The following BMS1 variants were observed in gnomAD, a reference collection of about 807,000 sequenced individuals.
The protein encoded by BMS1 is BMS1 ribosome biogenesis factor, also known as ribosome biogenesis protein BMS1 homolog.
In BMS1, 53 loss-of-function variants were observed where a neutral mutation model predicts 138.7. That is an observed-to-expected ratio of 0.38 (90% CI 0.31 to 0.48). The LOEUF (loss-of-function observed/expected upper bound fraction) is 0.48. BMS1 is among the 20% of genes least tolerant of loss of function. The pLI, the probability that BMS1 is intolerant of heterozygous loss-of-function variation, is 0.97. For missense variants in BMS1, 1,360 were observed against 1,565.5 expected, an observed-to-expected ratio of 0.87 and a Z score of 2.22; for synonymous variants, 504 against 539.9, an observed-to-expected ratio of 0.93 and a Z score of 0.92.
chr10:42,819,954 G>A (rs1180158213), intron 15 of BMS1, among the ~76,000 whole-genome samples: 4 of 152,082 alleles, frequency 2.6e-5, no homozygotes, highest in African/African-American at 9.7e-5. Flanking sequence ...ACCACGCCCA[G>A]CTGATTTTGG....
rs191354079 is a variant in BMS1 at position 42,816,795 on chromosome 10, A to G, written c.2403+123A>G. The G allele has an allele frequency of 5.5e-5, 41 of 741,690 alleles. No individual in the cohort carries two copies. In the African/African-American group the frequency reaches 7.1e-4, roughly 13 times the overall value. The allele number at this position is 741,690 out of a possible 1,614,324, so 45.9% of individuals were successfully genotyped here. The stretch of plus-strand genomic sequence containing the variant: ...AGACTGGATAGATAGATTCCTTCCT[A>G]AAGGGTGGGGATGTGGGGACCAAAG... On this transcript the variant is annotated intron_variant, in intron 14 of 22. Coordinates refer to ENST00000374518, the MANE Select transcript of BMS1 (RefSeq NM_014753.4).
At chr10:42,829,062 C>CT (rs1362392977) in intron 21 of BMS1, among the ~76,000 whole-genome samples, 10 of 152,300 alleles carry the variant, frequency 6.6e-5, no homozygotes, top group African/African-American at 2.4e-4. Context: ...ATATAGTTGA[C>CT]TTTAACAAAA....
At chr10:42,828,070 AG>A (rs1246235457) in intron 21 of BMS1, among the ~76,000 whole-genome samples, 3 of 152,234 alleles carry the variant, frequency 2.0e-5, no homozygotes, top group Non-Finnish European at 4.4e-5. Flanking sequence ...GATGAACTGT[AG>A]CACACCAGCT....
intron 9 of BMS1, among the ~76,000 whole-genome samples, chr10:42,795,704 T>A (rs1841663187): frequency 2.0e-5 from 3 of 152,188 alleles, no homozygotes; most frequent in Admixed American, 2.0e-4. Context: ...ATTTTATATA[T>A]CTTGCTACAT....
At chr10:42,795,536 G>T (rs1379520616) in intron 9 of BMS1, among the ~76,000 whole-genome samples, 1 of 151,164 alleles carries the variant, frequency 6.6e-6, no homozygotes, top group African/African-American at 2.4e-5. Context: ...GCCCAGGCTG[G>T]TCTCAAACTC....
At chr10:42,813,664 C>T (rs894731090) in intron 13 of BMS1, among the ~76,000 whole-genome samples, 3 of 152,178 alleles carry the variant, frequency 2.0e-5, no homozygotes, top group Non-Finnish European at 4.4e-5. Context: ...TTTGTCCCTC[C>T]TCCCATAGTC....
chr10:42,789,849 A>G (rs964653607), intron 4 of BMS1, among the ~76,000 whole-genome samples: 1 of 152,220 alleles, frequency 6.6e-6, no homozygotes, highest in African/African-American at 2.4e-5. Context: ...AAAATACCTT[A>G]CAGAAAACTT....
chr10:42,809,547 G>A (rs900755635), intron 13 of BMS1, among the ~76,000 whole-genome samples: 4 of 152,008 alleles, frequency 2.6e-5, no homozygotes, highest in Non-Finnish European at 5.9e-5. Flanking sequence ...AGGCGTGAGC[G>A]ACCATGCCTG....
chr10:42,810,435 GTTT>G (rs1564423115), intron 13 of BMS1, among the ~76,000 whole-genome samples: 1 of 152,056 alleles, frequency 6.6e-6, no homozygotes, highest in African/African-American at 2.4e-5. Context: ...TGGTCTGTGA[GTTT>G]TTTTGTTTTG....
intron 5 of BMS1, among the ~76,000 whole-genome samples, chr10:42,790,926 A>G (rs1457937280): frequency 6.6e-6 from 1 of 151,474 alleles, no homozygotes; most frequent in Non-Finnish European, 1.5e-5. Flanking sequence ...TTGTGTGTGT[A>G]TTCACAGTCC....
Position 42,817,395 on chromosome 10 carries a change from T to C in BMS1, c.2481T>C (p.Asp827=). 6.2e-7 allele frequency: 1 copy of C among 1,610,364 alleles called. No individual in the cohort carries two copies. The highest frequency in any genetic ancestry group is 8.5e-7 in the Non-Finnish European group (1 of 1,179,428). The change falls in exon 15 of 23, where the codon GAT becomes GAC. Residue 827 remains aspartate, a synonymous_variant. Coordinates refer to ENST00000374518, the MANE Select transcript of BMS1 (RefSeq NM_014753.4). ...AAAGTGCCAAGAAAAAGCATTTGGA[T>C]AAGAAGAGAAAATTGAAGGAGATGT... is the stretch of plus-strand genomic sequence containing the variant. ...EEESAKKKHL[D]KKRKLKEMFD... is the part of the protein sequence containing the mutation.
At chr10:42,817,042 G>A (rs1842369483) in intron 14 of BMS1, among the ~76,000 whole-genome samples, 1 of 152,170 alleles carries the variant, frequency 6.6e-6, no homozygotes, top group Non-Finnish European at 1.5e-5. Context: ...GGGTCTGGGA[G>A]CATCTGGGTG....
chr10:42,804,301 G>A (rs1211933178), intron 13 of BMS1, among the ~76,000 whole-genome samples: 1 of 152,140 alleles, frequency 6.6e-6, no homozygotes, highest in Non-Finnish European at 1.5e-5. Flanking sequence ...AATTTTTTAA[G>A]AAATTACCCA....
Position 42,796,819 on chromosome 10 carries a change from T to G in BMS1, c.1575T>G (p.Ser525Arg). ...EGEAEEADES[S>R]EEEDCTAGEK... Reference sequence around the variant, plus strand: ...AAGCGGAGGAAGCTGATGAAAGCAGTGAAGAAGAGGACTGCACTGCAGGAG... The same window carrying G: ...AAGCGGAGGAAGCTGATGAAAGCAGGGAAGAAGAGGACTGCACTGCAGGAG... The change falls in exon 10 of 23, where the codon AGT becomes AGG. Residue 525 changes from serine (S) to arginine (R), a missense_variant. Transcript: ENST00000374518. 1 of 1,614,078 alleles carries G rather than the reference T, an allele frequency of 6.2e-7. No homozygotes were observed. Among genetic ancestry groups the G allele is most frequent in the South Asian group, 1.1e-5 (1 of 91,074 alleles).
intron 4 of BMS1, among the ~76,000 whole-genome samples, chr10:42,787,503 A>C (rs1316847999): frequency 1.3e-5 from 2 of 152,236 alleles, no homozygotes. Context: ...AAAACCTTTA[A>C]TGAACACAAC....
At position 42,787,391 on chromosome 10, in the gene BMS1, T is replaced by C. The variant is rs1841369825; in HGVS notation, c.447+144T>C. Reference sequence around the variant, plus strand: ...CAGTGATACGGTAGATATGATTGAATTGATGATAATTATGGTAATAAATGT... The same window carrying C: ...CAGTGATACGGTAGATATGATTGAACTGATGATAATTATGGTAATAAATGT... On this transcript the variant is annotated intron_variant, in intron 4 of 22. Coordinates refer to ENST00000374518, the MANE Select transcript of BMS1 (RefSeq NM_014753.4). The C allele has an allele frequency of 9.8e-6, 7 of 712,174 alleles. 1 individual carries two copies. Among genetic ancestry groups the C allele is most frequent in the East Asian group, 2.7e-5 (1 of 37,064 alleles). 44.1% of individuals were successfully genotyped at this position (712,174 alleles called of 1,614,324 possible).
rs143704320 is a variant in BMS1, at chr10:42,790,719, G to A, written c.636+208G>A. ...GCAAAAATTAGTCCGGTGTGGTGGCGTGCGCCTGTAATCCCAGCTACTCAG... is the reference window on the plus strand; with the variant it reads ...GCAAAAATTAGTCCGGTGTGGTGGCATGCGCCTGTAATCCCAGCTACTCAG... On this transcript the variant is annotated intron_variant, in intron 5 of 22. Coordinates refer to ENST00000374518, the MANE Select transcript of BMS1 (RefSeq NM_014753.4). Among the ~76,000 whole-genome samples the A allele has an allele frequency of 3.5e-3, 536 of 152,076 alleles. 1 individual carries two copies. The highest frequency in any genetic ancestry group is 0.012 in the African/African-American group (505 of 41,494).
chr10:42,824,475 T>C (rs1842585220), intron 21 of BMS1, among the ~76,000 whole-genome samples: 1 of 152,228 alleles, frequency 6.6e-6, no homozygotes. Flanking sequence ...GTGCAGGAGC[T>C]TTTTAGTTTG....
At chr10:42,811,825 C>T (rs1842194749) in intron 13 of BMS1, among the ~76,000 whole-genome samples, 1 of 152,128 alleles carries the variant, frequency 6.6e-6, no homozygotes, top group Non-Finnish European at 1.5e-5. Context: ...CGCCCGGCCT[C>T]ACGTGTTGTA....
Sources: allele counts gnomAD v4.1 joint callset (sites outside exome capture counted in the v4.1 genomes callset), GRCh38; gene constraint gnomAD v4.1.1; transcripts MANE v1.5; gene names NCBI Gene and HGNC (gene_info 2026-07-23, HGNC 2026-07-21).